Variants in MNT observed in about 807,000 individuals in gnomAD.
MNT encodes the protein max-binding protein MNT.
A neutral mutation model predicts 40.7 loss-of-function variants in MNT; 13 were observed. The observed-to-expected ratio is 0.32, with a 90% CI of 0.21 to 0.51. The LOEUF is 0.51. Ranked by LOEUF, MNT falls within the 20% of genes least tolerant of loss-of-function variation. MNT has a pLI of 0.98. For synonymous variants in MNT, 426 were observed against 354.8 expected (o/e 1.20, Z -2.26); for missense variants, 757 against 792.0 (o/e 0.96, Z 0.53).
chr17:2,395,798 G>C (rs1954174740), intron 1 of MNT, among the ~76,000 whole-genome samples: 1 of 152,052 alleles, frequency 6.6e-6, no homozygotes. Context: ...CAGCCTGCAG[G>C]GTGAGGAGGA....
chr17:2,387,832 G>C (rs1158975520), intron 5 of MNT, 25 bp downstream of exon 5: 2 of 1,576,914 alleles, frequency 1.3e-6, no homozygotes, highest in African/African-American at 2.7e-5. Context: ...AGGGCTGGGG[G>C]GCCAGCGTGG....
intron 4 of MNT, among the ~76,000 whole-genome samples, chr17:2,388,746 G>A (rs148092642): frequency 7.2e-5 from 11 of 152,166 alleles, no homozygotes; most frequent in South Asian, 4.2e-4. Context: ...TGGCTGTTGC[G>A]TCCCATGACC....
At chr17:2,398,749 C>T (rs1333448102) in intron 1 of MNT, among the ~76,000 whole-genome samples, 1 of 152,206 alleles carries the variant, frequency 6.6e-6, no homozygotes, top group Non-Finnish European at 1.5e-5. Flanking sequence ...GAACCTTGTG[C>T]ACGGTCTTCC....
chr17:2,398,495 C>G (rs1003187823), intron 1 of MNT, among the ~76,000 whole-genome samples: 2 of 152,294 alleles, frequency 1.3e-5, no homozygotes, highest in African/African-American at 4.8e-5. Flanking sequence ...TCGTCCTGCC[C>G]CAGCTCAGAG....
At chr17:2,398,477 C>T (rs2066591973) in intron 1 of MNT, among the ~76,000 whole-genome samples, 1 of 152,236 alleles carries the variant, frequency 6.6e-6, no homozygotes, top group South Asian at 2.1e-4. Context: ...CCATGCCCTT[C>T]CTTCCATTCG....
chr17:2,391,895 C>T (rs2066518673), intron 4 of MNT: 2 of 152,258 alleles, frequency 1.3e-5, no homozygotes, highest in Admixed American at 1.3e-4. Flanking sequence ...GCCTTGGCCT[C>T]CCGAGTAGCG....
Position 2,394,984 on chromosome 17 carries a change from C to A in MNT, c.544G>T (p.Val182Phe). The change falls in exon 2 of 6, where the codon GTC becomes TTC. Residue 182 changes from valine (V) to phenylalanine (F), a missense_variant. Val to Phe is a conservative substitution (Grantham distance 50). Around this residue, in one of 4 missense-constraint regions of MNT, gnomAD observed 335 missense variants for 291.4 expected, o/e 1.15. Transcript: ENST00000174618. ...TGCTGGGGGGCCAGCTGAGGCTGGA[C>A]TCCAGGGTGTGGCGCTATGGTCAGG... Reference protein sequence around the residue: ...PVLTIAPHPGVQPQLAPQQPP... With the variant: ...PVLTIAPHPGFQPQLAPQQPP... The A allele has an allele frequency of 6.2e-7, 1 of 1,606,578 alleles. No individual in the cohort carries two copies. Among genetic ancestry groups the A allele is most frequent in the Non-Finnish European group, 8.5e-7 (1 of 1,176,910 alleles).
intron 1 of MNT, among the ~76,000 whole-genome samples, chr17:2,398,514 C>T (rs542424557): frequency 6.6e-6 from 1 of 152,314 alleles, no homozygotes; most frequent in East Asian, 1.9e-4. Flanking sequence ...AGGACAGAAC[C>T]TCAAGAGGGA....
chr17:2,400,551 G>A, intron 1 of MNT, 89 bp downstream of exon 1: 1 of 1,310,144 alleles, frequency 7.6e-7, no homozygotes, highest in Non-Finnish European at 1.0e-6. Context: ...CCGGGAGGGG[G>A]CCCTGTCCGC....
At chr17:2,393,883 G>A (rs1450366027) in intron 4 of MNT, 160 bp downstream of exon 4, 5 of 373,250 alleles carry the variant, frequency 1.3e-5, no homozygotes, top group Non-Finnish European at 1.8e-5. Context: ...AGGGAGCCCC[G>A]CTGACGTCAG....
chr17:2,393,283 C>A (rs982249396), intron 4 of MNT, among the ~76,000 whole-genome samples: 2 of 152,172 alleles, frequency 1.3e-5, no homozygotes, highest in Non-Finnish European at 2.9e-5. Flanking sequence ...AAGCTCAGGC[C>A]GCCATGGCAA....
intron 4 of MNT, chr17:2,390,917 C>G (rs942757972): frequency 2.0e-5 from 3 of 152,292 alleles, no homozygotes; most frequent in East Asian, 1.9e-4. Flanking sequence ...CTCATTCTGG[C>G]TTTAACAGTT....
At position 2,384,474 on chromosome 17, in the gene MNT, T is replaced by G. The variant is rs1278080437; in HGVS notation, c.*2427A>C. 1 of 152,544 alleles carries G rather than the reference T, an allele frequency of 6.6e-6. No homozygotes were observed. The highest frequency in any genetic ancestry group is 1.5e-5 in the Non-Finnish European group (1 of 68,030). The allele number at this position is 152,544 out of a possible 1,614,324, so 9.4% of individuals were successfully genotyped here. A position where few individuals can be genotyped will look rare whatever the true frequency, so the allele number is the denominator to read the frequency against. On this transcript the variant is annotated 3_prime_UTR_variant, in exon 6 of 6. Coordinates refer to ENST00000174618, the MANE Select transcript of MNT (RefSeq NM_020310.3). The stretch of plus-strand genomic sequence containing the variant: ...AGTTACCCTCCAGGCATTCCCTGCC[T>G]TCTTTGGCCCCCCAAGGAACCAACC...
chr17:2,400,283 A>C, intron 1 of MNT: 1 of 237,050 alleles, frequency 4.2e-6, no homozygotes, highest in African/African-American at 2.4e-5. Flanking sequence ...CGAGCCTGCC[A>C]CCCCCACGCA....
rs1281296183 is a variant in MNT at position 2,394,171 on chromosome 17, G to A, written c.696-17C>T. On this transcript the variant is annotated splice_polypyrimidine_tract_variant and intron_variant, in intron 3 of 5. Coordinates refer to ENST00000174618, the MANE Select transcript of MNT (RefSeq NM_020310.3). ...TGGGCCCTCCTGAAGAGAGGGGCGA[G>A]CGCCGGTCAGCGGTGCCTGGGGCGG... The A allele has an allele frequency of 6.2e-7, 1 of 1,607,076 alleles. No individual in the cohort carries two copies. The highest frequency in any genetic ancestry group is 1.1e-5 in the South Asian group (1 of 90,568).
In MNT at chr17:2,395,172, C is replaced by G. The variant is rs756345161; in HGVS notation, c.356G>C (p.Arg119Pro). Residue 119 changes from arginine (R) to proline (P), a missense_variant, in exon 2 of 6, where the codon CGT becomes CCT. Transcript: ENST00000174618. ...GGGGGCGCCAACCAGGGCCGGCTGA[C>G]GAGGCGCCAGGGGCAGAGGCTGGGC... ...AAAQPLPLAP[R>P]QPALVGAPGL... 1 of 1,408,570 alleles carries G rather than the reference C, an allele frequency of 7.1e-7. No homozygotes were observed. The highest frequency in any genetic ancestry group is 1.5e-5 in the South Asian group (1 of 68,774). 87.3% of individuals were successfully genotyped at this position (1,408,570 alleles called of 1,614,324 possible).
rs771759353 is a variant in MNT at position 2,394,269 on chromosome 17, GCA to G, written c.695+34_695+35del. 8.7e-6 allele frequency: 13 copies of G among 1,490,798 alleles called. No homozygotes were observed. In the African/African-American group the frequency reaches 1.7e-4, roughly 20 times the overall value. The allele number at this position is 1,490,798 out of a possible 1,614,324, so 92.3% of individuals were successfully genotyped here. ...GCCGGGGCCCGGGTCGCGCGCGCAC[GCA>G]CGCACGCACACACACACACACACAC... On this transcript the variant is annotated intron_variant, in intron 3 of 5. Transcript: ENST00000174618.
chr17:2,393,326 A>G (rs1341604166), intron 4 of MNT, among the ~76,000 whole-genome samples: 1 of 152,022 alleles, frequency 6.6e-6, no homozygotes, highest in Non-Finnish European at 1.5e-5. Context: ...CGGCCCGAGC[A>G]CTGCAGAGGG....
chr17:2,386,611 G>C lies in MNT; in HGVS notation c.*290C>G, dbSNP rs2066463929. 5.0e-6 allele frequency: 2 copies of C among 400,130 alleles called. No homozygotes were observed. The highest frequency in any genetic ancestry group is 8.9e-6 in the Non-Finnish European group (2 of 224,002). The allele number at this position is 400,130 out of a possible 1,614,324, so 24.8% of individuals were successfully genotyped here. A position where few individuals can be genotyped will look rare whatever the true frequency, so the allele number is the denominator to read the frequency against. ...CGTCCACATCGCACTGATTTCCGAG[G>C]GTAGGGAGGGGAAGCAGGAGCGGCA... On this transcript the variant is annotated 3_prime_UTR_variant, in exon 6 of 6. Coordinates refer to ENST00000174618, the MANE Select transcript of MNT (RefSeq NM_020310.3).
Sources: gnomAD v4.1 joint callset for allele counts (sites outside exome capture counted in the v4.1 genomes callset) on GRCh38, gnomAD v4.1.1 for gene constraint, gnomAD v4.1.1 regional missense constraint, MANE v1.5 for transcripts, NCBI Gene and HGNC (gene_info 2026-07-23, HGNC 2026-07-21) for gene names.